DISC1: variants seen among roughly 807,000 people sequenced by gnomAD.
The protein encoded by DISC1 is disrupted in schizophrenia 1 protein.
Under a neutral mutation model 84.5 loss-of-function variants are expected in DISC1, and 57 were observed. The observed-to-expected ratio is 0.67, with a 90% confidence interval of 0.55 to 0.84. The LOEUF is 0.84. Ranked by LOEUF, DISC1 falls within the 40% of genes least tolerant of loss-of-function variation. The pLI is 0.00. For synonymous variants in DISC1, 411 were observed against 415.2 expected (o/e 0.99, Z 0.12); for missense variants, 1,000 against 1,057.8 (o/e 0.95, Z 0.76).
chr1:231,777,907 A>G (rs2812392), intron 6 of DISC1, among the ~76,000 whole-genome samples: 83,012 of 152,096 alleles, frequency 0.55, 22,842 homozygotes, highest in Middle Eastern at 0.7. Context: ...CCGTAAAAGC[A>G]GTGCCCTCAC....
rs74143895 is a variant in DISC1, at chr1:231,632,419, A to T, written c.67+5485A>T. ...CAACATTTGCCTGTCATGGGTGGACATTTACCGTTTATTTTCAGAGTTCAA... is the reference window on the plus strand; with the variant it reads ...CAACATTTGCCTGTCATGGGTGGACTTTTACCGTTTATTTTCAGAGTTCAA... On this transcript the variant is annotated intron_variant, in intron 1 of 12. Coordinates refer to ENST00000439617, the MANE Select transcript of DISC1 (RefSeq NM_018662.3). 5.1e-3 allele frequency among the ~76,000 whole-genome samples: 775 copies of T among 152,344 alleles called. 14 individuals carry two copies. The highest frequency in any genetic ancestry group is 0.017 in the African/African-American group (689 of 41,574).
chr1:231,805,190 A>G (rs1475074712), intron 8 of DISC1, among the ~76,000 whole-genome samples: 1 of 151,660 alleles, frequency 6.6e-6, no homozygotes, highest in Non-Finnish European at 1.5e-5. Context: ...TCCATTCTCT[A>G]TTTCTGTTTC....
chr1:231,952,080 C>G (rs1340152524), intron 9 of DISC1, among the ~76,000 whole-genome samples: 1 of 100,524 alleles, frequency 9.9e-6, no homozygotes, highest in African/African-American at 4.1e-5. Flanking sequence ...AAGACCTTGT[C>G]TCAATGTCTC....
At chr1:231,993,049 A>G (rs1665434770) in intron 10 of DISC1, among the ~76,000 whole-genome samples, 1 of 152,238 alleles carries the variant, frequency 6.6e-6, no homozygotes, top group African/African-American at 2.4e-5. Flanking sequence ...GGTTCAGAGA[A>G]AGGACATCAC....
chr1:231,683,124 G>A (rs1476056533), intron 1 of DISC1, among the ~76,000 whole-genome samples: 1 of 152,204 alleles, frequency 6.6e-6, no homozygotes, highest in Admixed American at 6.5e-5. Flanking sequence ...TTTTCTACTT[G>A]TAGTAGTTTG....
At chr1:231,645,813 T>G (rs1051331513) in intron 1 of DISC1, among the ~76,000 whole-genome samples, 5 of 151,980 alleles carry the variant, frequency 3.3e-5, no homozygotes, top group African/African-American at 9.7e-5. Context: ...GTTTCCAGCT[T>G]CATCCATGTC....
chr1:231,687,021 C>T (rs1312871871), intron 1 of DISC1, among the ~76,000 whole-genome samples: 1 of 152,206 alleles, frequency 6.6e-6, no homozygotes, highest in Non-Finnish European at 1.5e-5. Flanking sequence ...TCTGAGACCA[C>T]CTCAGCCTGG....
At chr1:231,994,121 CTCACAG>C (rs2102930857) in intron 10 of DISC1, among the ~76,000 whole-genome samples, 1 of 152,340 alleles carries the variant, frequency 6.6e-6, no homozygotes, top group Non-Finnish European at 1.5e-5. Context: ...TTGTACTTTG[CTCACAG>C]TTTGGTGAGT....
chr1:231,671,035 A>G (rs2062568836), intron 1 of DISC1, among the ~76,000 whole-genome samples: 2 of 152,182 alleles, frequency 1.3e-5, no homozygotes, highest in African/African-American at 2.4e-5. Flanking sequence ...ATTGCCTTGG[A>G]AGCCAGCTTT....
chr1:231,777,821 A>G (rs1464179625), intron 6 of DISC1, among the ~76,000 whole-genome samples: 2 of 152,174 alleles, frequency 1.3e-5, no homozygotes, highest in East Asian at 3.8e-4. Context: ...CAATAACCCT[A>G]TAAGGTTTGT....
intron 1 of DISC1, among the ~76,000 whole-genome samples, chr1:231,663,189 T>C (rs2061706383): frequency 6.6e-6 from 1 of 152,164 alleles, no homozygotes; most frequent in Non-Finnish European, 1.5e-5. Context: ...TATCATAAAA[T>C]AGAATTTAAG....
chr1:231,955,309 C>A (rs900820791), intron 9 of DISC1, among the ~76,000 whole-genome samples: 1 of 152,146 alleles, frequency 6.6e-6, no homozygotes, highest in Admixed American at 6.5e-5. Flanking sequence ...ACTCAGATAT[C>A]CAACCTCACA....
At chr1:231,706,882 A>G (rs2067156196) in intron 3 of DISC1, among the ~76,000 whole-genome samples, 1 of 152,164 alleles carries the variant, frequency 6.6e-6, no homozygotes, top group African/African-American at 2.4e-5. Context: ...GATGGTGTGC[A>G]AATTACCCAA....
intron 10 of DISC1, among the ~76,000 whole-genome samples, chr1:231,986,599 G>C (rs1019988264): frequency 6.6e-6 from 1 of 152,212 alleles, no homozygotes; most frequent in Non-Finnish European, 1.5e-5. Flanking sequence ...GAAACAAACA[G>C]AGAAGTAAAT....
chr1:231,650,385 T>G (rs1422091043), intron 1 of DISC1, among the ~76,000 whole-genome samples: 1 of 152,222 alleles, frequency 6.6e-6, no homozygotes, highest in South Asian at 2.1e-4. Context: ...ATATTGAATA[T>G]TGGCCCCCAC....
intron 1 of DISC1, among the ~76,000 whole-genome samples, chr1:231,641,891 G>C (rs911525722): frequency 1.1e-4 from 17 of 152,226 alleles, no homozygotes; most frequent in African/African-American, 3.9e-4. Flanking sequence ...GCTTCACCCA[G>C]TGGATCCCGC....
chr1:231,952,693 A>ATATATATATATATATATG (rs1254508696), intron 9 of DISC1, among the ~76,000 whole-genome samples: 24 of 92,084 alleles, frequency 2.6e-4, no homozygotes, highest in African/African-American at 9.1e-4. Context: ...ATATATGTTT[A>ATATATATATATATATATG]TATATATATA....
intron 4 of DISC1, among the ~76,000 whole-genome samples, chr1:231,762,155 TTTTC>T (rs60776002): frequency 0.13 from 19,190 of 147,106 alleles, 1,447 homozygotes; most frequent in Middle Eastern, 0.18. Context: ...CCTTCTTTCT[TTTTC>T]TTTCTTTCTT....
chr1:231,640,892 T>C (rs1163260648), intron 1 of DISC1, among the ~76,000 whole-genome samples: 1 of 152,124 alleles, frequency 6.6e-6, no homozygotes, highest in Non-Finnish European at 1.5e-5. Context: ...TGACTTACAC[T>C]CTTTGGAGTG....
Sources: allele counts gnomAD v4.1 joint callset (sites outside exome capture counted in the v4.1 genomes callset), GRCh38; gene constraint gnomAD v4.1.1; transcripts MANE v1.5; gene names NCBI Gene and HGNC (gene_info 2026-07-23, HGNC 2026-07-21).